Variants in PTPN20 observed in about 807,000 individuals in gnomAD.
The protein encoded by PTPN20 is protein tyrosine phosphatase non-receptor type 20, also known as tyrosine-protein phosphatase non-receptor type 20.
In PTPN20, 9 loss-of-function variants were observed where a neutral mutation model predicts 35.0. The observed-to-expected ratio is 0.26, with a 90% CI of 0.15 to 0.45. PTPN20 has a LOEUF of 0.45. Ranked by LOEUF, PTPN20 falls within the 20% of genes least tolerant of loss-of-function variation. The pLI is 1.00. For synonymous variants in PTPN20, 32 were observed against 100.2 expected (o/e 0.32, Z 4.06); for missense variants, 111 against 312.5 (o/e 0.36, Z 4.86).
At chr10:46,994,022 G>T (rs1265327275) in intron 9 of PTPN20, among the ~76,000 whole-genome samples, 1 of 152,026 alleles carries the variant, frequency 6.6e-6, no homozygotes, top group Non-Finnish European at 1.5e-5. Context: ...TTGTTTATCT[G>T]AAAAATACTT....
Position 46,949,470 on chromosome 10 carries a change from G to C in PTPN20, c.340+2795G>C, listed in dbSNP as rs2046021291. Among the ~76,000 whole-genome samples, 3 of 152,268 alleles carry C rather than the reference G, an allele frequency of 2.0e-5. No individual in the cohort carries two copies. In the South Asian group the frequency reaches 6.2e-4, roughly 32 times the overall value. ...GTTCATGTCCTGTCACTCCTTAGGA[G>C]AGTCTGTCTTTCCTTAGATTGCAGA... On this transcript the variant is annotated intron_variant, in intron 5 of 10. Coordinates refer to ENST00000374339, the MANE Select transcript of PTPN20 (RefSeq NM_001042357.5).
chr10:46,997,110 G>GT (rs1208889520), intron 9 of PTPN20, among the ~76,000 whole-genome samples: 1 of 152,112 alleles, frequency 6.6e-6, no homozygotes, highest in African/African-American at 2.4e-5. Context: ...CATGAACATG[G>GT]TAAGTGTATT....
In PTPN20 at chr10:47,001,005, C is replaced by T. The variant is rs1263472544; in HGVS notation, c.*264C>T. 5.7e-6 allele frequency: 3 copies of T among 530,676 alleles called. No individual in the cohort carries two copies. In the African/African-American group the frequency reaches 5.7e-5, roughly 10 times the overall value. 32.9% of individuals were successfully genotyped at this position (530,676 alleles called of 1,614,324 possible). A position where few individuals can be genotyped will look rare whatever the true frequency, so the allele number is the denominator to read the frequency against. ...AAACAGATGTTACATAAAACGATTGCAGCTTGGCTATTTGGTTGAAGGGAT... is the reference window on the plus strand; with the variant it reads ...AAACAGATGTTACATAAAACGATTGTAGCTTGGCTATTTGGTTGAAGGGAT... On this transcript the variant is annotated 3_prime_UTR_variant, in exon 11 of 11. Transcript: ENST00000374339.
At chr10:46,988,438 A>G (rs1192196410) in intron 9 of PTPN20, among the ~76,000 whole-genome samples, 10 of 147,746 alleles carry the variant, frequency 6.8e-5, no homozygotes, top group Admixed American at 6.1e-4. Flanking sequence ...ATAAATTATA[A>G]TTAACCATAT....
chr10:47,000,826 G>C lies in PTPN20; in HGVS notation c.*85G>C. On this transcript the variant is annotated 3_prime_UTR_variant, in exon 11 of 11. Coordinates refer to ENST00000374339, the MANE Select transcript of PTPN20 (RefSeq NM_001042357.5). ...GAACATGTTTGCACTGTGCTGAAGG[G>C]CTTTGCTATGCATACAATCTGCTTT... The C allele has an allele frequency of 6.8e-7, 1 of 1,478,440 alleles. No individual in the cohort carries two copies. Among genetic ancestry groups the C allele is most frequent in the South Asian group, 1.1e-5 (1 of 88,330 alleles). 91.6% of individuals were successfully genotyped at this position (1,478,440 alleles called of 1,614,324 possible). A position where few individuals can be genotyped will look rare whatever the true frequency, so the allele number is the denominator to read the frequency against.
chr10:46,931,755 A>C lies in PTPN20; in HGVS notation c.-123-622A>C, dbSNP rs574223784. Among the ~76,000 whole-genome samples, 182 of 145,022 alleles carry C rather than the reference A, an allele frequency of 1.3e-3. 15 individuals are homozygous for C. The highest frequency in any genetic ancestry group is 6.9e-3 in the Middle Eastern group (2 of 290). The stretch of plus-strand genomic sequence containing the variant: ...AATCTGTTTCACACATTAACTTTAG[A>C]TTCAGATTATAGTAATACCATTTTA... On this transcript the variant is annotated intron_variant, in intron 1 of 10. Transcript: ENST00000374339.
intron 9 of PTPN20, among the ~76,000 whole-genome samples, chr10:46,992,121 ATTT>A (rs1180103188): frequency 3.8e-5 from 5 of 130,684 alleles, no homozygotes; most frequent in Non-Finnish European, 8.2e-5. Flanking sequence ...TTCATTTTCA[ATTT>A]TTTTTTTTTT....
chr10:46,999,792 T>A (rs2059779006), intron 9 of PTPN20, 120 bp from the exon 10 acceptor site: 1 of 1,189,356 alleles, frequency 8.4e-7, no homozygotes, highest in Non-Finnish European at 1.2e-6. Flanking sequence ...CATTTTCTTG[T>A]GAGTGAAAAT....
chr10:46,929,407 A>G (rs1251289260), intron 1 of PTPN20, among the ~76,000 whole-genome samples: 1 of 150,776 alleles, frequency 6.6e-6, no homozygotes, highest in Non-Finnish European at 1.5e-5. Context: ...GGAAACCTTT[A>G]TCTTACGAAC....
intron 7 of PTPN20, among the ~76,000 whole-genome samples, chr10:46,972,320 A>G: frequency 6.6e-6 from 1 of 152,162 alleles, no homozygotes; most frequent in Non-Finnish European, 1.5e-5. Flanking sequence ...TGGCAAATAA[A>G]TGCATGAAAT....
chr10:46,967,372 G>T (rs1403747559), intron 6 of PTPN20, among the ~76,000 whole-genome samples: 1 of 93,184 alleles, frequency 1.1e-5, no homozygotes, highest in Non-Finnish European at 1.9e-5. Flanking sequence ...ACTCCTTAAG[G>T]ATGAGGCCAT....
rs1555184246 is a variant in PTPN20 at position 46,999,964 on chromosome 10, T to G, written c.1187T>G (p.Val396Gly). The G allele has an allele frequency of 6.2e-7, 1 of 1,613,636 alleles. No homozygotes were observed. The highest frequency in any genetic ancestry group is 2.2e-5 in the East Asian group (1 of 44,884). Reference sequence around the variant, plus strand: ...ATGAGAGAACAACGTTCTGGCATGGTTCAAACGAAGGTAAGCTTTCACCAC... The same window carrying G: ...ATGAGAGAACAACGTTCTGGCATGGGTCAAACGAAGGTAAGCTTTCACCAC... ...AQMREQRSGM[V>G]QTKEQYHFCY... The change falls in exon 10 of 11, where the codon GTT (valine) becomes GGT (glycine). Residue 396 changes from valine (V) to glycine (G), a missense_variant. This residue lies in a region of PTPN20 where 61 missense variants were observed against 54.3 expected (regional missense o/e 1.12). Transcript: ENST00000374339.
chr10:46,983,329 A>G (rs2056114201), intron 7 of PTPN20, among the ~76,000 whole-genome samples: 1 of 151,096 alleles, frequency 6.6e-6, no homozygotes, highest in Non-Finnish European at 1.5e-5. Context: ...TATTATATAA[A>G]TGCCTGTTCA....
At chr10:46,945,343 A>T (rs2044409853) in intron 4 of PTPN20, among the ~76,000 whole-genome samples, 1 of 152,090 alleles carries the variant, frequency 6.6e-6, no homozygotes, top group Non-Finnish European at 1.5e-5. Flanking sequence ...GGATAGCTGG[A>T]AGTGGCAGTC....
chr10:46,947,950 T>C (rs1555142800), intron 5 of PTPN20: 2 of 453,346 alleles, frequency 4.4e-6, no homozygotes, highest in South Asian at 1.6e-5. Flanking sequence ...TTTCCATTAC[T>C]TTAAGGTAAA....
In PTPN20 at chr10:46,997,866, A is replaced by ACACCTAT. The variant is rs1303867965; in HGVS notation, c.1135-2043_1135-2037dup. On this transcript the variant is annotated intron_variant, in intron 9 of 10. Coordinates refer to ENST00000374339, the MANE Select transcript of PTPN20 (RefSeq NM_001042357.5). Reference sequence around the variant, plus strand: ...TAAAACCAGGATGGAGTAGCATTACACACCTATCAGAAAGGCTTATGTAAA... The same window carrying ACACCTAT: ...TAAAACCAGGATGGAGTAGCATTACACACCTATCACCTATCAGAAAGGCTTATGTAAA... 2.4e-3 allele frequency among the ~76,000 whole-genome samples: 369 copies of ACACCTAT among 152,324 alleles called. 1 individual carries two copies. The highest frequency in any genetic ancestry group is 3.9e-3 in the Admixed American group (60 of 15,302).
intron 10 of PTPN20, 107 bp from the exon 11 acceptor site, chr10:47,000,569 T>C: frequency 7.5e-7 from 1 of 1,339,992 alleles, no homozygotes; most frequent in Non-Finnish European, 1.1e-6. Context: ...GTTTGCTCTT[T>C]TTAGGAACTT....
chr10:46,959,291 G>T (rs1377798435), intron 5 of PTPN20, among the ~76,000 whole-genome samples: 1 of 141,548 alleles, frequency 7.1e-6, no homozygotes, highest in Non-Finnish European at 1.5e-5. Context: ...AATTAAAATC[G>T]ATTTTATCTG....
chr10:46,929,553 A>G (rs1240628444), intron 1 of PTPN20, among the ~76,000 whole-genome samples: 2 of 151,706 alleles, frequency 1.3e-5, no homozygotes, highest in Admixed American at 6.5e-5. Context: ...ATACATACAC[A>G]TTCTTTATGG....
Sources: gnomAD v4.1 joint callset for allele counts (sites outside exome capture counted in the v4.1 genomes callset) on GRCh38, gnomAD v4.1.1 for gene constraint, gnomAD v4.1.1 regional missense constraint, MANE v1.5 for transcripts, NCBI Gene and HGNC (gene_info 2026-07-23, HGNC 2026-07-21) for gene names.